The following MARCHF2 variants were observed in gnomAD, a reference collection of about 807,000 sequenced individuals.
MARCHF2 encodes the protein membrane associated ring-CH-type finger 2, also known as E3 ubiquitin-protein ligase MARCHF2.
Under a neutral mutation model 24.0 loss-of-function variants are expected in MARCHF2, and 22 were observed. The ratio of observed to expected loss-of-function variants is 0.92; its 90% CI spans 0.66 to 1.31. The LOEUF (loss-of-function observed/expected upper bound fraction) is 1.31, where lower values mean the gene tolerates loss of function less well. Ranked by LOEUF, MARCHF2 falls within the 50% of genes most tolerant of loss-of-function variation. MARCHF2 has a pLI of 0.00. For synonymous variants in MARCHF2, 154 were observed against 153.0 expected (o/e 1.01, Z -0.05); for missense variants, 301 against 335.3 (o/e 0.90, Z 0.80).
In MARCHF2 at chr19:8,420,500, C is replaced by T. The variant is rs573164600; in HGVS notation, c.-52-1289C>T. On this transcript the variant is annotated intron_variant, in intron 1 of 4. Transcript: ENST00000215555. ...GCAGTGAGCTGAGATCGTGCCACTGCGCTCCAGCCTGGGCAACACAGCGAA... is the reference window on the plus strand; with the variant it reads ...GCAGTGAGCTGAGATCGTGCCACTGTGCTCCAGCCTGGGCAACACAGCGAA... Among the ~76,000 whole-genome samples, 13 of 148,526 alleles carry T rather than the reference C, an allele frequency of 8.8e-5. No individual in the cohort carries two copies. In the East Asian group the frequency reaches 2.4e-3, roughly 27 times the overall value.
rs764955608 is a variant in MARCHF2, at chr19:8,421,938, C to G, written c.98C>G (p.Pro33Arg). The change falls in exon 2 of 5, where the codon CCG (proline) becomes CGG (arginine). Residue 33 changes from proline (P) to arginine (R), a missense_variant. Physicochemically the swap from Pro to Arg is moderately radical, Grantham distance 103. Coordinates refer to ENST00000215555, the MANE Select transcript of MARCHF2 (RefSeq NM_001005415.2). The part of the protein sequence containing the change: ...SKVVEATGLG[P>R]PQYVAQVTSR... The stretch of plus-strand genomic sequence containing the variant: ...GTCGTGGAGGCTACGGGCCTCGGAC[C>G]GCCCCAGTATGTGGCACAGGTGACT... The G allele has an allele frequency of 6.2e-7, 1 of 1,613,860 alleles. No homozygotes were observed. The highest frequency in any genetic ancestry group is 1.1e-5 in the South Asian group (1 of 91,000).
chr19:8,433,671 G>A (rs1392289033), intron 4 of MARCHF2, among the ~76,000 whole-genome samples: 8 of 105,200 alleles, frequency 7.6e-5, no homozygotes, highest in South Asian at 2.8e-4. Context: ...GCAAGACTCC[G>A]TCTCAAAAAA....
Position 8,421,807 on chromosome 19 carries a change from C to G in MARCHF2, c.-34C>G, listed in dbSNP as rs377244768. 1.9e-6 allele frequency: 3 copies of G among 1,570,324 alleles called. No individual in the cohort carries two copies. Among genetic ancestry groups the G allele is most frequent in the Non-Finnish European group, 2.6e-6 (3 of 1,157,266 alleles). On this transcript the variant is annotated 5_prime_UTR_variant, in exon 2 of 5. Transcript: ENST00000215555. ...TTCCCAGGCTCCTGGAACCATGGGC[C>G]TCAGGCCCTGAGGATACGGGGCTCC...
chr19:8,428,793 G>A (rs527624668), intron 3 of MARCHF2, among the ~76,000 whole-genome samples: 8 of 150,524 alleles, frequency 5.3e-5, no homozygotes, highest in East Asian at 2.0e-4. Context: ...GTAAAACACC[G>A]TCTCTACTAA....
chr19:8,427,117 G>A (rs1031793334), intron 3 of MARCHF2, among the ~76,000 whole-genome samples: 11 of 151,738 alleles, frequency 7.2e-5, no homozygotes, highest in Non-Finnish European at 1.2e-4. Context: ...GTGCGATCTC[G>A]GCTCACTGCA....
At chr19:8,414,748 C>A (rs1052429249) in intron 1 of MARCHF2, among the ~76,000 whole-genome samples, 1 of 152,132 alleles carries the variant, frequency 6.6e-6, no homozygotes, top group Non-Finnish European at 1.5e-5. Context: ...CTCAGTGCCA[C>A]CCTAAACAAG....
At chr19:8,435,184 A>G (rs1172116039) in intron 4 of MARCHF2, among the ~76,000 whole-genome samples, 2 of 149,942 alleles carry the variant, frequency 1.3e-5, no homozygotes, top group African/African-American at 4.9e-5. Context: ...ATGCCCAGAT[A>G]ATTTTTTTTA....
chr19:8,437,436 CT>C (rs1369437628), intron 4 of MARCHF2, among the ~76,000 whole-genome samples: 4 of 141,820 alleles, frequency 2.8e-5, no homozygotes, highest in African/African-American at 1.0e-4. Context: ...ACTGCAAGCT[CT>C]GCCTCCCAGG....
intron 2 of MARCHF2, among the ~76,000 whole-genome samples, chr19:8,425,898 A>C (rs1967385683): frequency 1.3e-5 from 2 of 151,340 alleles, no homozygotes; most frequent in South Asian, 4.2e-4. Context: ...TACAGGAATG[A>C]GCCACCTCAC....
intron 4 of MARCHF2, among the ~76,000 whole-genome samples, chr19:8,437,933 C>T (rs1459658656): frequency 2.0e-5 from 3 of 151,816 alleles, no homozygotes; most frequent in South Asian, 2.1e-4. Context: ...TTAGTAGAGA[C>T]GGGGTTTTTA....
Position 8,421,715 on chromosome 19 carries a change from CAA to C in MARCHF2, c.-52-73_-52-72del, listed in dbSNP as rs911360838. 37 of 773,626 alleles carry C rather than the reference CAA, an allele frequency of 4.8e-5. 1 individual carries two copies. The African/African-American group carries it at 6.5e-4, about 14-fold the overall frequency. The allele number at this position is 773,626 out of a possible 1,614,324, so 47.9% of individuals were successfully genotyped here. ...GGTCTAGTGGTCCCTACAGCCTTGA[CAA>C]GAGGGGACTCAAACCTTAGTCCGTC... On this transcript the variant is annotated intron_variant, in intron 1 of 4. Transcript: ENST00000215555.
intron 2 of MARCHF2, among the ~76,000 whole-genome samples, chr19:8,424,683 A>G (rs1000827975): frequency 1.1e-4 from 16 of 151,704 alleles, no homozygotes; most frequent in Admixed American, 4.6e-4. Flanking sequence ...GAAAAAAAAA[A>G]ATCTACCTTT....
chr19:8,437,686 CT>C (rs549545710), intron 4 of MARCHF2, among the ~76,000 whole-genome samples: 2,025 of 140,926 alleles, frequency 0.014, 24 homozygotes, highest in Non-Finnish European at 0.023. Context: ...TTTTTTTAAA[CT>C]TTTTTTTTTT....
chr19:8,437,146 A>C (rs1967747107), intron 4 of MARCHF2, among the ~76,000 whole-genome samples: 1 of 151,712 alleles, frequency 6.6e-6, no homozygotes, highest in South Asian at 2.1e-4. Context: ...CACCTGGCTA[A>C]TTTTTAAATA....
chr19:8,426,652 G>T lies in MARCHF2; in HGVS notation c.220G>T (p.Glu74Ter). 1 of 1,614,098 alleles carries T rather than the reference G, an allele frequency of 6.2e-7. No homozygotes were observed. The highest frequency in any genetic ancestry group is 8.5e-7 in the Non-Finnish European group (1 of 1,180,038). The change falls in exon 3 of 5, where the codon GAG becomes TAG. Residue 74 changes from glutamate to a stop codon, truncating the protein, a stop_gained. Transcript: ENST00000215555. LOFTEE classifies it high-confidence loss of function. ...GATCTGCCATGAGGGAGCGAACGGG[G>T]AGTGCTTGCTGTCCCCGTGTGGCTG... ...CRICHEGANG[E>*]CLLSPCGCTG...
At chr19:8,423,870 G>C (rs11667018) in intron 2 of MARCHF2, 50,601 of 151,376 alleles carry the variant, frequency 0.33, 9,277 homozygotes, top group Middle Eastern at 0.47. Flanking sequence ...GTGTGGCGTG[G>C]TGCCACCTGT....
chr19:8,437,159 T>G (rs981951862), intron 4 of MARCHF2, among the ~76,000 whole-genome samples: 1 of 151,930 alleles, frequency 6.6e-6, no homozygotes, highest in Non-Finnish European at 1.5e-5. Flanking sequence ...TTTAAATATT[T>G]GGTAGAGACA....
At chr19:8,425,806 G>A (rs138124955) in intron 2 of MARCHF2, among the ~76,000 whole-genome samples, 6,672 of 151,556 alleles carry the variant, frequency 0.044, 328 homozygotes, top group African/African-American at 0.12. Context: ...TAGTAGAGAC[G>A]GGGTTTCACC....
At chr19:8,424,099 A>G (rs1967330266) in intron 2 of MARCHF2, among the ~76,000 whole-genome samples, 1 of 152,096 alleles carries the variant, frequency 6.6e-6, no homozygotes, top group African/African-American at 2.4e-5. Flanking sequence ...TTCTGGCCAG[A>G]AATGTTTGGG....
Sources: gnomAD v4.1 joint callset for allele counts (sites outside exome capture counted in the v4.1 genomes callset) on GRCh38, gnomAD v4.1.1 for gene constraint, MANE v1.5 for transcripts, NCBI Gene and HGNC (gene_info 2026-07-23, HGNC 2026-07-21) for gene names.